MEGF9: variants seen among roughly 807,000 people sequenced by gnomAD.
The protein encoded by MEGF9 is multiple epidermal growth factor-like domains protein 9.
A neutral mutation model predicts 46.8 loss-of-function variants in MEGF9; 6 were observed. The ratio of observed to expected loss-of-function variants is 0.13; its 90% CI spans 0.07 to 0.25. MEGF9 has a LOEUF of 0.25. Ranked by LOEUF, MEGF9 falls within the 10% of genes least tolerant of loss-of-function variation. The probability of loss-of-function intolerance (pLI) is 1.00; values close to 1 mark genes in which losing one functional copy is unlikely to be tolerated. For synonymous variants in MEGF9, 302 were observed against 330.7 expected, an observed-to-expected ratio of 0.91 and a Z score of 0.94; for missense variants, 683 against 792.4, an observed-to-expected ratio of 0.86 and a Z score of 1.66.
chr9:120,615,199 A>G (rs1402555670), intron 3 of MEGF9, among the ~76,000 whole-genome samples: 1 of 151,768 alleles, frequency 6.6e-6, no homozygotes, highest in Non-Finnish European at 1.5e-5. Context: ...AGATCACACA[A>G]TTGCAATCCA....
intron 3 of MEGF9, among the ~76,000 whole-genome samples, chr9:120,619,969 T>A (rs1027417982): frequency 6.6e-6 from 1 of 152,172 alleles, no homozygotes; most frequent in Non-Finnish European, 1.5e-5. Context: ...GAAAATAAAG[T>A]CACTTGACGA....
intron 2 of MEGF9, among the ~76,000 whole-genome samples, chr9:120,644,268 T>C (rs2043616759): frequency 6.6e-6 from 1 of 152,220 alleles, no homozygotes; most frequent in African/African-American, 2.4e-5. Flanking sequence ...ACAAGTATTT[T>C]GTGAAATTTC....
At chr9:120,607,616 G>C in intron 5 of MEGF9, 125 bp downstream of exon 5, 1 of 1,040,262 alleles carries the variant, frequency 9.6e-7, no homozygotes, top group Non-Finnish European at 1.4e-6. Context: ...ACCTCTTTAG[G>C]CAAATATCTA....
At chr9:120,649,086 A>G (rs1305193626) in intron 2 of MEGF9, among the ~76,000 whole-genome samples, 2 of 152,226 alleles carry the variant, frequency 1.3e-5, no homozygotes, top group Non-Finnish European at 2.9e-5. Context: ...GTTACTTATA[A>G]TACCTAATAC....
intron 4 of MEGF9, among the ~76,000 whole-genome samples, chr9:120,611,875 G>GAGAC (rs1332369959): frequency 2.2e-4 from 33 of 150,404 alleles, no homozygotes; most frequent in Middle Eastern, 3.4e-3. Context: ...AAGAGAGAGA[G>GAGAC]AGAGAGAGAG....
At chr9:120,652,148 A>G (rs967536999) in intron 2 of MEGF9, among the ~76,000 whole-genome samples, 10 of 28,180 alleles carry the variant, frequency 3.5e-4, no homozygotes, top group Non-Finnish European at 5.6e-4. Context: ...ACAAGCACAC[A>G]CACACACACA....
intron 2 of MEGF9, among the ~76,000 whole-genome samples, chr9:120,633,530 T>C (rs2043559517): frequency 6.6e-6 from 1 of 152,058 alleles, no homozygotes; most frequent in African/African-American, 2.4e-5. Context: ...ATTTTGTTTA[T>C]CTTTTCAAAG....
chr9:120,694,865 T>A (rs2043867393), intron 1 of MEGF9, among the ~76,000 whole-genome samples: 1 of 152,166 alleles, frequency 6.6e-6, no homozygotes, highest in South Asian at 2.1e-4. Context: ...GTGGTCTAGT[T>A]GTATATTATA....
chr9:120,614,482 T>A (rs1446599592), intron 3 of MEGF9, among the ~76,000 whole-genome samples: 10 of 152,224 alleles, frequency 6.6e-5, no homozygotes, highest in Admixed American at 5.9e-4. Context: ...CAAAGTAGTA[T>A]ATATTCATGC....
rs149374287 is a variant in MEGF9, at chr9:120,671,603, A to T, written c.602-12028T>A. Among the ~76,000 whole-genome samples, 380 of 152,344 alleles carry T rather than the reference A, an allele frequency of 2.5e-3. 5 individuals carry two copies. The highest frequency in any genetic ancestry group is 8.4e-3 in the African/African-American group (349 of 41,570). On this transcript the variant is annotated intron_variant, in intron 1 of 5. Transcript: ENST00000373930. ...TTAATGGTCCTATACCTATTAAAGA[A>T]ATAGAATTTATAGTTTAAAACCTTC...
chr9:120,701,967 C>T (rs938015944), intron 1 of MEGF9, among the ~76,000 whole-genome samples: 3 of 151,852 alleles, frequency 2.0e-5, no homozygotes, highest in Admixed American at 1.3e-4. Context: ...AGCGTGAACC[C>T]GGGAGGCGGA....
chr9:120,714,419 T>TCCGCAACCGCCG lies in MEGF9; in HGVS notation c.-73_-62dup, dbSNP rs1564433983. 4 of 1,217,844 alleles carry TCCGCAACCGCCG rather than the reference T, an allele frequency of 3.3e-6. No homozygotes were observed. Among genetic ancestry groups the TCCGCAACCGCCG allele is most frequent in the African/African-American group, 3.2e-5 (2 of 62,718 alleles). 75.4% of individuals were successfully genotyped at this position (1,217,844 alleles called of 1,614,324 possible). A position where few individuals can be genotyped will look rare whatever the true frequency, so the allele number is the denominator to read the frequency against. On this transcript the variant is annotated 5_prime_UTR_variant, in exon 1 of 6. Coordinates refer to ENST00000373930, the MANE Select transcript of MEGF9 (RefSeq NM_001080497.3). ...TCGTTGCAATCCGACCAAGGAAGCC[T>TCCGCAACCGCCG]CCGCAACCGCCGCCGCCACCGCCAC...
At chr9:120,643,859 G>A (rs1483979950) in intron 2 of MEGF9, among the ~76,000 whole-genome samples, 1 of 151,804 alleles carries the variant, frequency 6.6e-6, no homozygotes, top group Non-Finnish European at 1.5e-5. Flanking sequence ...CAAGTAGCTG[G>A]GACTACAAGC....
chr9:120,631,276 A>G (rs2132308352), intron 2 of MEGF9, among the ~76,000 whole-genome samples: 1 of 152,354 alleles, frequency 6.6e-6, no homozygotes, highest in South Asian at 2.1e-4. Flanking sequence ...TCTGAGAATC[A>G]AGTGGCTGTA....
At position 120,609,358 on chromosome 9, in the gene MEGF9, C is replaced by T. The variant is rs2043434412; in HGVS notation, c.1088-1348G>A. On this transcript the variant is annotated intron_variant, in intron 4 of 5. Transcript: ENST00000373930. ...TCTGTAGGAATTAACTCAGGTATTA[C>T]TTCTTCTCAGAAGCACAGAAGTTTT... Among the ~76,000 whole-genome samples the T allele has an allele frequency of 2.0e-5, 3 of 152,160 alleles. No homozygotes were observed. In the South Asian group the frequency reaches 6.2e-4, roughly 31 times the overall value.
intron 1 of MEGF9, among the ~76,000 whole-genome samples, chr9:120,687,746 G>C (rs375008894): frequency 1.4e-5 from 2 of 146,590 alleles, no homozygotes; most frequent in African/African-American, 5.0e-5. Context: ...ATTCAGGATA[G>C]TGGTTACATC....
Position 120,634,446 on chromosome 9 carries a change from CTTTTTTTTTT to C in MEGF9, c.804-11701_804-11692del, listed in dbSNP as rs1158273579. 6.0e-4 allele frequency among the ~76,000 whole-genome samples: 28 copies of C among 46,930 alleles called. No individual in the cohort carries two copies. In the East Asian group the frequency reaches 0.01, roughly 17 times the overall value. The allele number at this position is 46,930 out of a possible 152,430, so 30.8% of individuals were successfully genotyped here. A position where few individuals can be genotyped will look rare whatever the true frequency, so the allele number is the denominator to read the frequency against. On this transcript the variant is annotated intron_variant, in intron 2 of 5. Transcript: ENST00000373930. ...TTTGGTTTCCATATGTGTGGAATAT[CTTTTTTTTTT>C]TTTTTTTTTTTTTTTTTTGAGACGG...
chr9:120,628,487 T>G (rs796582989), intron 2 of MEGF9, among the ~76,000 whole-genome samples: 40 of 144,930 alleles, frequency 2.8e-4, no homozygotes, highest in African/African-American at 9.9e-4. Context: ...TTTTTTTTTT[T>G]TTTTTTTTCA....
chr9:120,659,788 AGT>A (rs67080202), intron 1 of MEGF9, among the ~76,000 whole-genome samples: 54,973 of 142,668 alleles, frequency 0.39, 10,682 homozygotes, highest in East Asian at 0.53. Flanking sequence ...TGTGTGTGAC[AGT>A]GTGTGTGTGT....
Sources: allele counts gnomAD v4.1 joint callset (sites outside exome capture counted in the v4.1 genomes callset), GRCh38; gene constraint gnomAD v4.1.1; transcripts MANE v1.5; gene names NCBI Gene and HGNC (gene_info 2026-07-23, HGNC 2026-07-21).